Variants in SRRM4 observed in about 807,000 individuals in gnomAD.
SRRM4 encodes the protein serine/arginine repetitive matrix protein 4.
In SRRM4, 33 loss-of-function variants were observed where a neutral mutation model predicts 68.9. That is an observed-to-expected ratio of 0.48 (90% CI 0.36 to 0.64). The LOEUF (loss-of-function observed/expected upper bound fraction) is 0.64. Among genes scored for constraint, SRRM4 ranks in the 30% least tolerant of loss-of-function variants. The pLI, the probability that SRRM4 is intolerant of heterozygous loss-of-function variation, is 0.00. For missense variants in SRRM4, 817 were observed against 827.1 expected (o/e 0.99, Z 0.15); for synonymous variants, 318 against 318.8 (o/e 1.00, Z 0.03).
At chr12:119,146,306 A>T (rs1175781899) in intron 9 of SRRM4, among the ~76,000 whole-genome samples, 2 of 152,174 alleles carry the variant, frequency 1.3e-5, no homozygotes, top group African/African-American at 4.8e-5. Flanking sequence ...TCGAACATTG[A>T]CCAGGCGTGG....
intron 9 of SRRM4, among the ~76,000 whole-genome samples, chr12:119,149,907 A>C (rs906561609): frequency 3.3e-5 from 5 of 152,206 alleles, no homozygotes; most frequent in Non-Finnish European, 5.9e-5. Flanking sequence ...AGCACCTAAC[A>C]GAGGTCAGCC....
intron 3 of SRRM4, among the ~76,000 whole-genome samples, chr12:119,115,472 T>C (rs966960155): frequency 6.6e-6 from 1 of 152,184 alleles, no homozygotes; most frequent in African/African-American, 2.4e-5. Context: ...GCAGTATTTA[T>C]AGAAACCTGT....
intron 1 of SRRM4, among the ~76,000 whole-genome samples, chr12:119,051,379 TG>T (rs1953741385): frequency 6.6e-6 from 1 of 152,080 alleles, no homozygotes; most frequent in South Asian, 2.1e-4. Context: ...CCTACTCTAC[TG>T]GGGGAAAAAA....
At chr12:119,121,965 T>C (rs1954222275) in intron 5 of SRRM4, 105 bp from the exon 6 acceptor site, 1 of 766,908 alleles carries the variant, frequency 1.3e-6, no homozygotes, top group South Asian at 1.5e-5. Flanking sequence ...CAGTGTCCAT[T>C]CCAAAACTGC....
At chr12:119,122,014 GTTTATC>G (rs1042542081) in intron 5 of SRRM4, 50 bp from the exon 6 acceptor site, 30 of 1,166,354 alleles carry the variant, frequency 2.6e-5, no homozygotes, top group Non-Finnish European at 3.9e-5. Flanking sequence ...TTAACTACTT[GTTTATC>G]TTTAACTAGA....
intron 1 of SRRM4, 104 bp downstream of exon 1, chr12:118,982,117 G>A: frequency 7.2e-7 from 1 of 1,389,330 alleles, no homozygotes; most frequent in Non-Finnish European, 9.6e-7. Flanking sequence ...CAGGGCGCCT[G>A]TCTTTTCCCG....
chr12:119,109,598 A>G (rs1302340001), intron 2 of SRRM4, among the ~76,000 whole-genome samples: 1 of 151,800 alleles, frequency 6.6e-6, no homozygotes, highest in African/African-American at 2.4e-5. Context: ...CCTTTCTTCC[A>G]CTTGATTGAA....
intron 1 of SRRM4, among the ~76,000 whole-genome samples, chr12:119,054,597 T>C (rs1953765497): frequency 6.6e-6 from 1 of 151,266 alleles, no homozygotes; most frequent in Admixed American, 6.6e-5. Context: ...ATTGTATTAG[T>C]TAGGAGTCCT....
At chr12:119,120,181 C>T in intron 4 of SRRM4, 69 bp from the exon 5 acceptor site, 1 of 1,099,980 alleles carries the variant, frequency 9.1e-7, no homozygotes, top group East Asian at 2.6e-5. Context: ...CTCTCTCTCT[C>T]TCCCTCTCTT....
At chr12:119,147,331 G>T (rs1017530228) in intron 9 of SRRM4, among the ~76,000 whole-genome samples, 2 of 152,200 alleles carry the variant, frequency 1.3e-5, no homozygotes, top group African/African-American at 4.8e-5. Flanking sequence ...AATAGGCAGA[G>T]CACAGAGGAT....
chr12:119,061,794 CATG>C (rs898401362), intron 1 of SRRM4, among the ~76,000 whole-genome samples: 22 of 152,078 alleles, frequency 1.4e-4, no homozygotes, highest in Admixed American at 1.4e-3. Flanking sequence ...CTGCTCTGTG[CATG>C]ATAAGAGACT....
chr12:119,009,941 T>A lies in SRRM4; in HGVS notation c.131+27928T>A, dbSNP rs531395527. Reference sequence around the variant, plus strand: ...CTCCTTTCTTCCTTAATTCCCTAGCTGATGTTCTTTACTGCTGTAACTGGA... The same window carrying A: ...CTCCTTTCTTCCTTAATTCCCTAGCAGATGTTCTTTACTGCTGTAACTGGA... On this transcript the variant is annotated intron_variant, in intron 1 of 12. Coordinates refer to ENST00000267260, the MANE Select transcript of SRRM4 (RefSeq NM_194286.4). Among the ~76,000 whole-genome samples the A allele has an allele frequency of 5.6e-4, 86 of 152,366 alleles. 1 individual carries two copies. Among genetic ancestry groups the A allele is most frequent in the African/African-American group, 1.9e-3 (80 of 41,588 alleles).
chr12:119,052,912 T>C (rs561940927), intron 1 of SRRM4, among the ~76,000 whole-genome samples: 22 of 152,114 alleles, frequency 1.4e-4, no homozygotes, highest in Non-Finnish European at 2.9e-4. Flanking sequence ...AAATTGGAGA[T>C]TGGAGTGCTA....
chr12:118,995,601 AC>A (rs961520345), intron 1 of SRRM4, among the ~76,000 whole-genome samples: 2 of 152,194 alleles, frequency 1.3e-5, no homozygotes, highest in African/African-American at 2.4e-5. Flanking sequence ...CTTTCCGGAA[AC>A]AAGTTTCCCT....
chr12:118,982,669 G>GTTT (rs10533651), intron 1 of SRRM4, among the ~76,000 whole-genome samples: 2,489 of 115,132 alleles, frequency 0.022, 64 homozygotes, highest in South Asian at 0.034. Flanking sequence ...GTTTTATTTT[G>GTTT]TTTTTTTTTG....
intron 10 of SRRM4, among the ~76,000 whole-genome samples, chr12:119,153,299 C>T (rs1000321278): frequency 6.6e-6 from 1 of 152,120 alleles, no homozygotes; most frequent in African/African-American, 2.4e-5. Context: ...AAATCATCTG[C>T]CAAGGTCACA....
chr12:119,113,425 C>T (rs2136047686), intron 2 of SRRM4, among the ~76,000 whole-genome samples: 1 of 152,328 alleles, frequency 6.6e-6, no homozygotes, highest in African/African-American at 2.4e-5. Flanking sequence ...ATTAACCTTT[C>T]TGAGGCTCAA....
intron 2 of SRRM4, among the ~76,000 whole-genome samples, chr12:119,104,402 G>A (rs920793722): frequency 1.3e-5 from 2 of 151,494 alleles, no homozygotes; most frequent in African/African-American, 4.9e-5. Context: ...CCTCTGATGT[G>A]ACAAAACCAC....
intron 1 of SRRM4, among the ~76,000 whole-genome samples, chr12:119,072,548 C>A (rs1953884324): frequency 6.6e-6 from 1 of 152,146 alleles, no homozygotes; most frequent in Non-Finnish European, 1.5e-5. Flanking sequence ...TCTAAATTCT[C>A]TGATGTAATT....
Sources: allele counts gnomAD v4.1 joint callset (sites outside exome capture counted in the v4.1 genomes callset), GRCh38; gene constraint gnomAD v4.1.1; transcripts MANE v1.5; gene names NCBI Gene and HGNC (gene_info 2026-07-23, HGNC 2026-07-21).